Variants in LSM5 observed in about 807,000 individuals in gnomAD.
The protein encoded by LSM5 is U6 snRNA-associated Sm-like protein LSm5.
Under a neutral mutation model 13.8 loss-of-function variants are expected in LSM5, and 8 were observed. The observed-to-expected ratio is 0.58, with a 90% CI of 0.34 to 1.04. LSM5 has a LOEUF of 1.04. LSM5 is among the 50% of genes least tolerant of loss of function. LSM5 has a pLI of 0.03. For synonymous variants in LSM5, 35 were observed against 37.0 expected (o/e 0.95, Z 0.20); for missense variants, 80 against 108.1 (o/e 0.74, Z 1.15).
chr7:32,487,962 T>C (rs1299576961), intron 3 of LSM5: 2 of 501,972 alleles, frequency 4.0e-6, no homozygotes, highest in Non-Finnish European at 7.2e-6. Context: ...TCACTGACAC[T>C]AAGACCCACG....
chr7:32,493,851 A>G (rs1010786049), upstream of LSM5, among the ~76,000 whole-genome samples: 5 of 135,896 alleles, frequency 3.7e-5, no homozygotes, highest in African/African-American at 8.5e-5. Context: ...CTCTTTTTAT[A>G]TATATCTTTT....
In LSM5 at chr7:32,488,647, C is replaced by T; in HGVS notation, c.148G>A (p.Val50Ile). 1 of 1,594,102 alleles carries T rather than the reference C, an allele frequency of 6.3e-7. No individual in the cohort carries two copies. The highest frequency in any genetic ancestry group is 8.6e-7 in the Non-Finnish European group (1 of 1,162,152). Reference protein sequence around the residue: ...LLGFDDFVNMVLEDVTEFEIT... With the variant: ...LLGFDDFVNMILEDVTEFEIT... ...CACAACTCAGTGACATCTTCCAGTA[C>T]CATATCTGAAATTTGGTGTTAAGAA... Residue 50 changes from valine to isoleucine, a missense_variant, in exon 3 of 5, where the codon GTA becomes ATA. Transcript: ENST00000450169.
chr7:32,491,686 A>T (rs1175130825), upstream of LSM5, among the ~76,000 whole-genome samples: 1 of 152,256 alleles, frequency 6.6e-6, no homozygotes, highest in East Asian at 1.9e-4. Context: ...ATCTACTCAT[A>T]AGATTAATGT....
upstream of LSM5, among the ~76,000 whole-genome samples, chr7:32,491,825 A>AT (rs1786601192): frequency 6.6e-6 from 1 of 152,256 alleles, no homozygotes; most frequent in Admixed American, 6.5e-5. Context: ...GTGAAGCTAC[A>AT]TAAAGCTAGC....
At chr7:32,487,432 C>T (rs1786474453) in intron 4 of LSM5, 139 bp from the exon 5 acceptor site, 2 of 712,762 alleles carry the variant, frequency 2.8e-6, no homozygotes, top group Non-Finnish European at 5.0e-6. Context: ...TATCTATTTA[C>T]AATTCCCAAC....
upstream of LSM5, chr7:32,490,399 G>A (rs1786556390): frequency 1.9e-6 from 3 of 1,563,596 alleles, no homozygotes; most frequent in Admixed American, 5.0e-5. Flanking sequence ...TTCATTGATG[G>A]TGGGACGACT....
upstream of LSM5, among the ~76,000 whole-genome samples, chr7:32,492,993 T>C (rs923493076): frequency 6.6e-6 from 1 of 152,220 alleles, no homozygotes; most frequent in Non-Finnish European, 1.5e-5. Context: ...TATTCTACAT[T>C]AATACAACTC....
rs1322594573 is a variant in LSM5, at chr7:32,487,677, T to A, written c.243+8A>T. ...CCATCAAAATAAAACAGTTTCAATG[T>A]GTCTTACCATTGTTATATTATTTCC... On this transcript the variant is annotated splice_region_variant and intron_variant, in intron 4 of 4. Coordinates refer to ENST00000450169, the MANE Select transcript of LSM5 (RefSeq NM_012322.3). The A allele has an allele frequency of 7.2e-7, 1 of 1,397,726 alleles. No homozygotes were observed. The highest frequency in any genetic ancestry group is 1.7e-5 in the Admixed American group (1 of 59,710). 86.6% of individuals were successfully genotyped at this position (1,397,726 alleles called of 1,614,324 possible).
chr7:32,491,287 C>T (rs1160102292), upstream of LSM5, among the ~76,000 whole-genome samples: 1 of 151,008 alleles, frequency 6.6e-6, no homozygotes, highest in East Asian at 2.0e-4. Context: ...GTCCCAGCTA[C>T]TCGGGAGGCA....
Position 32,487,072 on chromosome 7 carries a change from A to T in LSM5, c.*189T>A. ...ACCTTTATTTTCATCTGCAAAGAAGAAGCTCTTTTCTTCTTTTTCCAGGAT... is the reference window on the plus strand; with the variant it reads ...ACCTTTATTTTCATCTGCAAAGAAGTAGCTCTTTTCTTCTTTTTCCAGGAT... On this transcript the variant is annotated 3_prime_UTR_variant, in exon 5 of 5. Transcript: ENST00000450169. The T allele has an allele frequency of 3.2e-6, 2 of 624,528 alleles. No individual in the cohort carries two copies. The highest frequency in any genetic ancestry group is 5.6e-6 in the Non-Finnish European group (2 of 355,616). The allele number at this position is 624,528 out of a possible 1,614,324, so 38.7% of individuals were successfully genotyped here. A position where few individuals can be genotyped will look rare whatever the true frequency, so the allele number is the denominator to read the frequency against.
rs1434445389 is a variant in LSM5 at position 32,486,333 on chromosome 7, A to G, written c.*928T>C. ...AAAATGACTTAAGTGGAGGGTAAAA[A>G]CAGTATAATCAGGATGAGCAAGTAA... On this transcript the variant is annotated 3_prime_UTR_variant, in exon 5 of 5. Transcript: ENST00000450169. 1 of 152,236 alleles carries G rather than the reference A, an allele frequency of 6.6e-6. No homozygotes were observed. Among genetic ancestry groups the G allele is most frequent in the African/African-American group, 2.4e-5 (1 of 41,470 alleles). The allele number at this position is 152,236 out of a possible 1,614,324, so 9.4% of individuals were successfully genotyped here.
At chr7:32,488,593 G>C (rs563369296) in intron 3 of LSM5, 32 bp downstream of exon 3, 32 of 1,481,506 alleles carry the variant, frequency 2.2e-5, no homozygotes, top group East Asian at 2.1e-4. Context: ...TAATTAAGAA[G>C]AGATTCCCCC....
At chr7:32,492,524 C>T (rs2063047751), upstream of LSM5, among the ~76,000 whole-genome samples, 1 of 102,068 alleles carries the variant, frequency 9.8e-6, no homozygotes, top group Non-Finnish European at 2.4e-5. Flanking sequence ...CATCTCAAAA[C>T]AACAACAACA....
chr7:32,494,573 C>A (rs1315873240), upstream of LSM5, among the ~76,000 whole-genome samples: 1 of 152,180 alleles, frequency 6.6e-6, no homozygotes, highest in Non-Finnish European at 1.5e-5. Flanking sequence ...GAAGCAGACA[C>A]CTATCCTTTA....
At position 32,487,150 on chromosome 7, in the gene LSM5, A is replaced by T. The variant is rs1317755781; in HGVS notation, c.*111T>A. 34 of 917,596 alleles carry T rather than the reference A, an allele frequency of 3.7e-5. No individual in the cohort carries two copies. Among genetic ancestry groups the T allele is most frequent in the Non-Finnish European group, 5.6e-5 (32 of 574,456 alleles). The allele number at this position is 917,596 out of a possible 1,614,324, so 56.8% of individuals were successfully genotyped here. Reference sequence around the variant, plus strand: ...ACACATCTTCAAAGCACTTCCCTTTAACGGGAAACTTAGCTTTATGGGATT... The same window carrying T: ...ACACATCTTCAAAGCACTTCCCTTTTACGGGAAACTTAGCTTTATGGGATT... On this transcript the variant is annotated 3_prime_UTR_variant, in exon 5 of 5. Coordinates refer to ENST00000450169, the MANE Select transcript of LSM5 (RefSeq NM_012322.3).
At chr7:32,489,564 C>G (rs941160283) in intron 1 of LSM5, 5 of 476,600 alleles carry the variant, frequency 1.0e-5, no homozygotes, top group Non-Finnish European at 1.8e-5. Context: ...ACTTTTCAAT[C>G]ACGGCCACGA....
At chr7:32,490,461 T>G, upstream of LSM5, 1 of 1,022,014 alleles carries the variant, frequency 9.8e-7, no homozygotes, top group Non-Finnish European at 1.5e-6. Context: ...TCGACCAATC[T>G]GAGGCCGAGC....
chr7:32,494,013 G>A (rs756333749), upstream of LSM5, among the ~76,000 whole-genome samples: 6 of 151,092 alleles, frequency 4.0e-5, no homozygotes, highest in Non-Finnish European at 8.9e-5. Context: ...TTTGTATTTT[G>A]TACTAGAGAG....
rs1049112300 is a variant in LSM5 at position 32,486,212 on chromosome 7, A to G, written c.*1049T>C. 7 of 152,340 alleles carry G rather than the reference A, an allele frequency of 4.6e-5. No homozygotes were observed. In the East Asian group the frequency reaches 9.6e-4, roughly 21 times the overall value. 9.4% of individuals were successfully genotyped at this position (152,340 alleles called of 1,614,324 possible). A position where few individuals can be genotyped will look rare whatever the true frequency, so the allele number is the denominator to read the frequency against. On this transcript the variant is annotated 3_prime_UTR_variant, in exon 5 of 5. Coordinates refer to ENST00000450169, the MANE Select transcript of LSM5 (RefSeq NM_012322.3). The stretch of plus-strand genomic sequence containing the variant: ...TAGTTAGACTACTGTGGCCAGTAAG[A>G]ATAGGCTAAATAATTTATAGTAAAT...
Sources: allele counts gnomAD v4.1 joint callset (sites outside exome capture counted in the v4.1 genomes callset), GRCh38; gene constraint gnomAD v4.1.1; transcripts MANE v1.5; gene names NCBI Gene and HGNC (gene_info 2026-07-23, HGNC 2026-07-21).